SULT1C3: variants seen among roughly 807,000 people sequenced by gnomAD.
SULT1C3 encodes the protein sulfotransferase 1C3.
A neutral mutation model predicts 28.4 loss-of-function variants in SULT1C3; 31 were observed. The observed-to-expected ratio is 1.09, with a 90% CI of 0.82 to 1.47. The LOEUF (loss-of-function observed/expected upper bound fraction) is 1.47. SULT1C3 is among the 40% of genes most tolerant of loss of function. The pLI, the probability that SULT1C3 is intolerant of heterozygous loss-of-function variation, is 0.00. For missense variants in SULT1C3, 307 were observed against 272.5 expected, an observed-to-expected ratio of 1.13 and a Z score of -0.89; for synonymous variants, 106 against 92.2, an observed-to-expected ratio of 1.15 and a Z score of -0.86.
chr2:108,248,581 G>A (rs1354925790), intron 2 of SULT1C3, among the ~76,000 whole-genome samples: 1 of 152,092 alleles, frequency 6.6e-6, no homozygotes, highest in Non-Finnish European at 1.5e-5. Context: ...TCTTTAGAGA[G>A]GACCCTTTTA....
At chr2:108,247,039 T>C (rs1183416900) in intron 1 of SULT1C3, among the ~76,000 whole-genome samples, 149 bp from the exon 2 acceptor site, 3 of 152,228 alleles carry the variant, frequency 2.0e-5, no homozygotes, top group African/African-American at 4.8e-5. Context: ...ATAATTAATG[T>C]ACATAGAGTA....
chr2:108,252,294 T>C, intron 2 of SULT1C3, 71 bp from the exon 3 acceptor site: 4 of 1,459,110 alleles, frequency 2.7e-6, no homozygotes, highest in African/African-American at 1.4e-5. Context: ...CTGTCTTTCT[T>C]CAAAATATTC....
At chr2:108,262,455 C>T (rs1415892244), downstream of SULT1C3, among the ~76,000 whole-genome samples, 2 of 152,220 alleles carry the variant, frequency 1.3e-5, no homozygotes, top group East Asian at 1.9e-4. Context: ...AAGCTTATTT[C>T]TTCCATGCAA....
downstream of SULT1C3, chr2:108,265,009 G>A (rs775337749): frequency 3.7e-6 from 6 of 1,604,844 alleles, no homozygotes; most frequent in South Asian, 6.8e-5. Context: ...AGGAAAGGTA[G>A]ATAAGCTTTG....
chr2:108,265,202 C>A, downstream of SULT1C3: 2 of 1,585,566 alleles, frequency 1.3e-6, no homozygotes, highest in South Asian at 2.2e-5. Flanking sequence ...TCTCCCTCTA[C>A]TCCTGCAGCA....
At chr2:108,249,920 G>A (rs975473128) in intron 2 of SULT1C3, among the ~76,000 whole-genome samples, 3 of 151,928 alleles carry the variant, frequency 2.0e-5, no homozygotes, top group Non-Finnish European at 4.4e-5. Context: ...ATGCAAAAAA[G>A]TCAAAGTGCA....
chr2:108,263,168 C>T (rs1426266903), downstream of SULT1C3, among the ~76,000 whole-genome samples: 5 of 152,032 alleles, frequency 3.3e-5, no homozygotes, highest in African/African-American at 1.2e-4. Flanking sequence ...CTCCAATAAA[C>T]GTGTTTGTGG....
chr2:108,265,333 C>T (rs758906275), downstream of SULT1C3: 45 of 1,613,536 alleles, frequency 2.8e-5, no homozygotes, highest in African/African-American at 5.3e-5. Flanking sequence ...GCACCCTAAC[C>T]TTCCGCACAG....
chr2:108,258,597 A>C, intron 5 of SULT1C3, 137 bp from the exon 6 acceptor site: 2 of 615,840 alleles, frequency 3.2e-6, no homozygotes, highest in Non-Finnish European at 5.6e-6. Context: ...AAATTTTATT[A>C]CTAGAAAATT....
At chr2:108,241,389 C>G (rs1675458423) in intron 1 of SULT1C3, among the ~76,000 whole-genome samples, 1 of 152,196 alleles carries the variant, frequency 6.6e-6, no homozygotes, top group Non-Finnish European at 1.5e-5. Context: ...TAAACATGCT[C>G]CAAATTTGGT....
At chr2:108,264,685 T>C, downstream of SULT1C3, 1 of 838,222 alleles carries the variant, frequency 1.2e-6, no homozygotes, top group East Asian at 2.7e-5. Flanking sequence ...TGTCTGGCAC[T>C]AGGAGTCACT....
chr2:108,244,980 C>T (rs1314139414), intron 1 of SULT1C3, among the ~76,000 whole-genome samples: 1 of 152,104 alleles, frequency 6.6e-6, no homozygotes, highest in Non-Finnish European at 1.5e-5. Context: ...AAATACACTC[C>T]AGGGGAGTGC....
At chr2:108,262,531 A>T (rs1239723935), downstream of SULT1C3, among the ~76,000 whole-genome samples, 6 of 152,134 alleles carry the variant, frequency 3.9e-5, no homozygotes, top group African/African-American at 1.4e-4. Flanking sequence ...GGTGTAGAAG[A>T]TGGGATCACG....
intron 4 of SULT1C3, among the ~76,000 whole-genome samples, chr2:108,254,441 G>T (rs1675811150): frequency 6.6e-6 from 1 of 151,924 alleles, no homozygotes; most frequent in South Asian, 2.1e-4. Flanking sequence ...CTATATTGGG[G>T]TATCTGTGCA....
intron 4 of SULT1C3, among the ~76,000 whole-genome samples, chr2:108,254,623 A>G (rs1558664777): frequency 6.6e-6 from 1 of 151,754 alleles, no homozygotes; most frequent in Non-Finnish European, 1.5e-5. Context: ...GCATTTGTTG[A>G]CTGAATGATA....
intron 1 of SULT1C3, among the ~76,000 whole-genome samples, chr2:108,242,562 T>C (rs963804288): frequency 3.3e-5 from 5 of 152,190 alleles, no homozygotes; most frequent in African/African-American, 1.2e-4. Flanking sequence ...TTATTACTAC[T>C]CCTAGCCGTC....
chr2:108,250,930 GAC>G (rs763943219), intron 2 of SULT1C3, among the ~76,000 whole-genome samples: 3 of 151,994 alleles, frequency 2.0e-5, no homozygotes, highest in Non-Finnish European at 4.4e-5. Flanking sequence ...GATAGCAACA[GAC>G]ACAACGTTCT....
rs766328789 is a variant in SULT1C3, at chr2:108,260,705, C to T, written c.*25C>T. On this transcript the variant is annotated 3_prime_UTR_variant, in exon 8 of 8. Transcript: ENST00000681802. ...AGAGGAACAACAACAAACTAGGTGA[C>T]AGAGACTATGCCAACTATTTCGCCT... The T allele has an allele frequency of 5.0e-5, 23 of 458,066 alleles. No individual in the cohort carries two copies. Among genetic ancestry groups the T allele is most frequent in the Non-Finnish European group, 9.7e-5 (22 of 227,652 alleles). The allele number at this position is 458,066 out of a possible 1,614,324, so 28.4% of individuals were successfully genotyped here. A position where few individuals can be genotyped will look rare whatever the true frequency, so the allele number is the denominator to read the frequency against.
chr2:108,247,438 G>A, intron 2 of SULT1C3, 72 bp downstream of exon 2: 1 of 1,344,584 alleles, frequency 7.4e-7, no homozygotes, highest in South Asian at 1.9e-5. Context: ...ATTGATAAAT[G>A]AAGCATGATT....
Sources: gnomAD v4.1 joint callset for allele counts (sites outside exome capture counted in the v4.1 genomes callset) on GRCh38, gnomAD v4.1.1 for gene constraint, MANE v1.5 for transcripts, NCBI Gene and HGNC (gene_info 2026-07-23, HGNC 2026-07-21) for gene names.